Variants in MYOM1 observed in about 807,000 individuals in gnomAD.
MYOM1 encodes the protein myomesin-1.
In MYOM1, 164 loss-of-function variants were observed where a neutral mutation model predicts 205.3. That is an observed-to-expected ratio of 0.80 (90% CI 0.70 to 0.91). The LOEUF is 0.91. MYOM1 is among the 40% of genes least tolerant of loss of function. The probability of loss-of-function intolerance (pLI) is 0.00; values close to 1 mark genes in which losing one functional copy is unlikely to be tolerated. For synonymous variants in MYOM1, 772 were observed against 789.4 expected, an observed-to-expected ratio of 0.98 and a Z score of 0.37; for missense variants, 2,011 against 2,127.3, an observed-to-expected ratio of 0.95 and a Z score of 1.08.
chr18:3,087,876 C>T (rs968945757), intron 29 of MYOM1, among the ~76,000 whole-genome samples: 11 of 152,092 alleles, frequency 7.2e-5, no homozygotes, highest in Non-Finnish European at 1.2e-4. Context: ...CTGAATGATT[C>T]GCTGCGCATA....
In MYOM1 at chr18:3,167,681, G is replaced by A. The variant is rs139836803; in HGVS notation, c.1339+1136C>T. On this transcript the variant is annotated intron_variant, in intron 9 of 37. Transcript: ENST00000356443. ...ATTACAGGTGTGAGCCGCTGTGCCC[G>A]GCCTATTGTTATTTTAGAAATAGCA... Among the ~76,000 whole-genome samples the A allele has an allele frequency of 5.3e-4, 81 of 152,252 alleles. No individual in the cohort carries two copies. The East Asian group carries it at 0.014, about 26-fold the overall frequency.
chr18:3,132,118 G>GTGTATATA (rs369243798), intron 16 of MYOM1, among the ~76,000 whole-genome samples: 2,126 of 143,438 alleles, frequency 0.015, 29 homozygotes, highest in Admixed American at 0.021. Context: ...ATATGTGTGT[G>GTGTATATA]TATATATATA....
At chr18:3,102,153 C>G (rs1385236755) in intron 23 of MYOM1, among the ~76,000 whole-genome samples, 1 of 151,856 alleles carries the variant, frequency 6.6e-6, no homozygotes. Flanking sequence ...AGGCACCCAC[C>G]ACCACACCCG....
intron 2 of MYOM1, among the ~76,000 whole-genome samples, chr18:3,210,981 C>T (rs980118908): frequency 4.6e-5 from 7 of 152,084 alleles, no homozygotes; most frequent in African/African-American, 1.4e-4. Flanking sequence ...GTCATATAGG[C>T]TGAATTTTAA....
the MYOM1 span, among the ~76,000 whole-genome samples, chr18:3,238,779 C>T: frequency 2.0e-5 from 3 of 152,056 alleles, no homozygotes; most frequent in Non-Finnish European, 4.4e-5. Context: ...AGGGGAGAAT[C>T]AGTTTCCTAG....
At chr18:3,147,101 AATAT>A (rs930996583) in intron 13 of MYOM1, among the ~76,000 whole-genome samples, 11 of 141,162 alleles carry the variant, frequency 7.8e-5, no homozygotes, top group African/African-American at 2.4e-4. Flanking sequence ...ATTATAGATA[AATAT>A]ATATATTTAT....
At chr18:3,230,577 G>A in the MYOM1 span, among the ~76,000 whole-genome samples, 1 of 152,182 alleles carries the variant, frequency 6.6e-6, no homozygotes, top group Admixed American at 6.5e-5. Context: ...CAACCAATCA[G>A]ACCTTTGCAT....
intron 9 of MYOM1, among the ~76,000 whole-genome samples, chr18:3,165,127 A>C (rs2080449374): frequency 6.6e-6 from 1 of 152,226 alleles, no homozygotes; most frequent in Non-Finnish European, 1.5e-5. Flanking sequence ...TCAAAATATA[A>C]ATTTTAGCAA....
At chr18:3,233,543 A>C in the MYOM1 span, among the ~76,000 whole-genome samples, 4 of 152,182 alleles carry the variant, frequency 2.6e-5, no homozygotes, top group Non-Finnish European at 5.9e-5. Flanking sequence ...AAGCCCCTCC[A>C]AACTTAACCT....
intron 2 of MYOM1, among the ~76,000 whole-genome samples, chr18:3,204,270 T>G (rs1254200946): frequency 6.6e-6 from 1 of 151,920 alleles, no homozygotes; most frequent in African/African-American, 2.4e-5. Context: ...TTTTTAAAAA[T>G]TGAAAAGATG....
intron 22 of MYOM1, among the ~76,000 whole-genome samples, chr18:3,110,821 T>A (rs895750576): frequency 2.6e-5 from 4 of 151,600 alleles, no homozygotes; most frequent in African/African-American, 9.7e-5. Flanking sequence ...GGTCTGGAGT[T>A]GAGTCCAGAT....
intron 5 of MYOM1, among the ~76,000 whole-genome samples, chr18:3,181,600 G>A (rs1046662742): frequency 9.2e-5 from 14 of 151,826 alleles, no homozygotes; most frequent in Non-Finnish European, 1.9e-4. Flanking sequence ...CATAATTTGT[G>A]AGAATAGAAG....
chr18:3,100,376 G>A lies in MYOM1; in HGVS notation c.3626C>T (p.Ser1209Phe). 1 of 1,613,940 alleles carries A rather than the reference G, an allele frequency of 6.2e-7. No homozygotes were observed. The highest frequency in any genetic ancestry group is 8.5e-7 in the Non-Finnish European group (1 of 1,179,866). Residue 1209 changes from serine to phenylalanine, a missense_variant, in exon 24 of 38, where the codon TCT becomes TTT. Transcript: ENST00000356443. ...DLGMDDLGIY[S>F]CDVTDTDGIA... is the part of the protein sequence containing the mutation. ...TCCATCAGTGTCTGTTACATCGCAAGAGTAAATACCCAAGTCATCCATCCC... is the reference window on the plus strand; with the variant it reads ...TCCATCAGTGTCTGTTACATCGCAAAAGTAAATACCCAAGTCATCCATCCC...
Position 3,150,029 on chromosome 18 carries a change from T to C in MYOM1, c.1844-828A>G, listed in dbSNP as rs146813501. ...ACTGAAGAGCAATCAAGGAGCCTGA[T>C]GAGACACGGTTGCCGGGGAAATGGT... On this transcript the variant is annotated intron_variant, in intron 12 of 37. Coordinates refer to ENST00000356443, the MANE Select transcript of MYOM1 (RefSeq NM_003803.4). 1.1e-3 allele frequency among the ~76,000 whole-genome samples: 167 copies of C among 152,288 alleles called. 1 individual carries two copies. The highest frequency in any genetic ancestry group is 1.8e-3 in the Non-Finnish European group (125 of 68,026).
chr18:3,197,707 A>C (rs1474676282), intron 2 of MYOM1, among the ~76,000 whole-genome samples: 1 of 151,698 alleles, frequency 6.6e-6, no homozygotes, highest in Non-Finnish European at 1.5e-5. Context: ...CCCCGTCTTT[A>C]CTAAAAATAC....
At chr18:3,153,327 A>G (rs575158915) in intron 11 of MYOM1, among the ~76,000 whole-genome samples, 1 of 152,302 alleles carries the variant, frequency 6.6e-6, no homozygotes, top group East Asian at 1.9e-4. Flanking sequence ...CCTCACTGAT[A>G]TGTGGTCTCG....
chr18:3,155,274 G>C lies in MYOM1; in HGVS notation c.1502-186C>G, dbSNP rs563902970. ...TCTCGCTCTGTCACCCAGGCTGGAG[G>C]GCAGAGGTGGGATCTCAGCTCACTG... On this transcript the variant is annotated intron_variant, in intron 10 of 37. Coordinates refer to ENST00000356443, the MANE Select transcript of MYOM1 (RefSeq NM_003803.4). Among the ~76,000 whole-genome samples the C allele has an allele frequency of 9.2e-5, 14 of 152,268 alleles. No homozygotes were observed. In the East Asian group the frequency reaches 2.7e-3, roughly 29 times the overall value.
At chr18:3,134,399 TTTC>T (rs1158598981) in intron 16 of MYOM1, among the ~76,000 whole-genome samples, 3 of 136,782 alleles carry the variant, frequency 2.2e-5, no homozygotes, top group African/African-American at 8.2e-5. Context: ...AGTATAATGT[TTTC>T]TTGTTTTTTT....
At chr18:3,120,322 T>C (rs1246125707) in intron 19 of MYOM1, among the ~76,000 whole-genome samples, 1 of 152,164 alleles carries the variant, frequency 6.6e-6, no homozygotes, top group African/African-American at 2.4e-5. Flanking sequence ...ATGGGCCTGA[T>C]GTTATCAGGT....
Sources: gnomAD v4.1 joint callset for allele counts (sites outside exome capture counted in the v4.1 genomes callset) on GRCh38, gnomAD v4.1.1 for gene constraint, MANE v1.5 for transcripts, NCBI Gene and HGNC (gene_info 2026-07-23, HGNC 2026-07-21) for gene names.